Variants in MEI4 observed in about 807,000 individuals in gnomAD.
MEI4 encodes the protein meiosis-specific protein MEI4.
A neutral mutation model predicts 31.4 loss-of-function variants in MEI4; 27 were observed. That is an observed-to-expected ratio of 0.86 (90% CI 0.63 to 1.19). The LOEUF (loss-of-function observed/expected upper bound fraction) is 1.19, where lower values mean the gene tolerates loss of function less well. Ranked by LOEUF, MEI4 falls within the 50% of genes most tolerant of loss-of-function variation. The pLI is 0.00. For synonymous variants in MEI4, 122 were observed against 145.4 expected (o/e 0.84, Z 1.16); for missense variants, 329 against 398.9 (o/e 0.82, Z 1.49).
intron 1 of MEI4, among the ~76,000 whole-genome samples, chr6:77,655,367 T>C (rs1259114994): frequency 6.6e-6 from 1 of 152,188 alleles, no homozygotes; most frequent in East Asian, 1.9e-4. Flanking sequence ...AATGAGCTCT[T>C]TTTCTATGTG....
chr6:77,868,592 G>A (rs1182849985), intron 4 of MEI4, among the ~76,000 whole-genome samples: 2 of 143,046 alleles, frequency 1.4e-5, no homozygotes, highest in Non-Finnish European at 3.0e-5. Flanking sequence ...CTCCCCTATT[G>A]ATTCTCCCTT....
chr6:77,796,704 CAA>C (rs1021421702), intron 3 of MEI4, among the ~76,000 whole-genome samples: 6 of 152,192 alleles, frequency 3.9e-5, no homozygotes, highest in Middle Eastern at 3.4e-3. Flanking sequence ...AACTGAAAGA[CAA>C]GAGTTTAAAC....
At chr6:77,740,819 A>T (rs968814122) in intron 2 of MEI4, among the ~76,000 whole-genome samples, 10 of 151,758 alleles carry the variant, frequency 6.6e-5, no homozygotes, top group Admixed American at 5.9e-4. Context: ...TTTTGAAAAA[A>T]ATATATATAT....
intron 2 of MEI4, among the ~76,000 whole-genome samples, chr6:77,753,416 C>A (rs1223863341): frequency 1.3e-5 from 2 of 151,662 alleles, no homozygotes; most frequent in Non-Finnish European, 2.9e-5. Context: ...GAAAAAAAAA[C>A]AACCCCATCA....
chr6:77,697,118 G>A (rs554031191), intron 2 of MEI4, among the ~76,000 whole-genome samples: 79 of 151,960 alleles, frequency 5.2e-4, no homozygotes, highest in East Asian at 2.3e-3. Flanking sequence ...TGTTATTCCC[G>A]TTATCATTTT....
intron 4 of MEI4, among the ~76,000 whole-genome samples, chr6:77,882,841 A>G (rs1201380730): frequency 6.6e-6 from 1 of 152,202 alleles, no homozygotes; most frequent in Non-Finnish European, 1.5e-5. Flanking sequence ...TAATTTGAAG[A>G]AAGAATGTAA....
chr6:77,791,413 C>T (rs1768927346), intron 3 of MEI4, among the ~76,000 whole-genome samples: 1 of 150,948 alleles, frequency 6.6e-6, no homozygotes, highest in African/African-American at 2.4e-5. Flanking sequence ...TCATCATTCT[C>T]AGTAAACTAT....
At chr6:77,716,082 T>G (rs1766577072) in intron 2 of MEI4, among the ~76,000 whole-genome samples, 1 of 152,230 alleles carries the variant, frequency 6.6e-6, no homozygotes, top group African/African-American at 2.4e-5. Context: ...ACCTTGTGCC[T>G]GGCACCATGC....
At position 77,761,191 on chromosome 6, in the gene MEI4, G is replaced by A. The variant is rs142688523; in HGVS notation, c.294G>A (p.Ser98=). The A allele has an allele frequency of 4.1e-6, 5 of 1,232,168 alleles. No individual in the cohort carries two copies. Among genetic ancestry groups the A allele is most frequent in the Admixed American group, 4.2e-5 (1 of 23,686 alleles). The allele number at this position is 1,232,168 out of a possible 1,614,324, so 76.3% of individuals were successfully genotyped here. The change falls in exon 3 of 5, where the codon TCG becomes TCA. Residue 98 remains serine (S), a synonymous_variant. Transcript: ENST00000684080. Reference sequence around the variant, plus strand: ...AGAGTTCTGAAAGTACATTAACTTCGATGGAAGATTCTGGATGTGATTTGT... The same window carrying A: ...AGAGTTCTGAAAGTACATTAACTTCAATGGAAGATTCTGGATGTGATTTGT... ...EPKSSESTLT[S]MEDSGCDLSN... is the part of the protein sequence containing the mutation.
At chr6:77,682,780 G>GA (rs1195069663) in intron 1 of MEI4, among the ~76,000 whole-genome samples, 1 of 152,132 alleles carries the variant, frequency 6.6e-6, no homozygotes, top group Non-Finnish European at 1.5e-5. Context: ...GGTCATACTG[G>GA]AAAGTTTTCT....
chr6:77,761,355 T>A lies in MEI4; in HGVS notation c.458T>A (p.Phe153Tyr). 1 of 1,232,414 alleles carries A rather than the reference T, an allele frequency of 8.1e-7. No homozygotes were observed. The highest frequency in any genetic ancestry group is 1.0e-6 in the Non-Finnish European group (1 of 988,000). The allele number at this position is 1,232,414 out of a possible 1,614,324, so 76.3% of individuals were successfully genotyped here. The change falls in exon 3 of 5, where the codon TTC becomes TAC. Residue 153 changes from phenylalanine (F) to tyrosine (Y), a missense_variant. Coordinates refer to ENST00000684080, the MANE Select transcript of MEI4 (RefSeq NM_001322247.2). ...LQNPLSSHMQ[F>Y]LQYLLELKNL... ...AATCCTTTGTCTTCTCACATGCAAT[T>A]CTTGCAATATCTACTTGAATTAAAG...
chr6:77,656,529 C>A (rs574820257), intron 1 of MEI4, among the ~76,000 whole-genome samples: 3 of 152,006 alleles, frequency 2.0e-5, no homozygotes, highest in African/African-American at 7.2e-5. Context: ...TTATTTCTAT[C>A]TTCACAGTAG....
rs10223782 is a variant in MEI4 at position 77,726,677 on chromosome 6, G to A, written c.233-34453G>A. Among the ~76,000 whole-genome samples the A allele has an allele frequency of 6.9e-3, 1,058 of 152,282 alleles. 12 individuals carry two copies. Among genetic ancestry groups the A allele is most frequent in the African/African-American group, 0.024 (998 of 41,536 alleles). On this transcript the variant is annotated intron_variant, in intron 2 of 4. Coordinates refer to ENST00000684080, the MANE Select transcript of MEI4 (RefSeq NM_001322247.2). ...CTGGTGTAAAATCTACACCAGTTGT[G>A]TGTGGGATGTAGGAGAGAGGAAGGA...
At position 77,697,184 on chromosome 6, in the gene MEI4, T is replaced by G. The variant is rs190989749; in HGVS notation, c.232+6281T>G. Among the ~76,000 whole-genome samples, 247 of 152,322 alleles carry G rather than the reference T, an allele frequency of 1.6e-3. 2 individuals carry two copies. The highest frequency in any genetic ancestry group is 5.6e-3 in the African/African-American group (231 of 41,560). On this transcript the variant is annotated intron_variant, in intron 2 of 4. Coordinates refer to ENST00000684080, the MANE Select transcript of MEI4 (RefSeq NM_001322247.2). ...TCTTCTTTATTAGTGTTGCTAGCGG[T>G]CTATCAATTTTGTTGATCTTTTCAA...
intron 1 of MEI4, among the ~76,000 whole-genome samples, chr6:77,664,284 C>T (rs1285285046): frequency 6.6e-6 from 1 of 152,086 alleles, no homozygotes; most frequent in Non-Finnish European, 1.5e-5. Flanking sequence ...ATAAGACGGC[C>T]TTTTGACTTT....
intron 4 of MEI4, among the ~76,000 whole-genome samples, chr6:77,837,591 TA>T (rs1770250701): frequency 6.6e-6 from 1 of 152,164 alleles, no homozygotes; most frequent in Non-Finnish European, 1.5e-5. Flanking sequence ...CTTTTGTAAA[TA>T]AAGTTTTACT....
intron 4 of MEI4, among the ~76,000 whole-genome samples, chr6:77,864,518 C>T (rs1334690957): frequency 1.3e-5 from 2 of 152,196 alleles, no homozygotes; most frequent in Non-Finnish European, 2.9e-5. Flanking sequence ...ATCAATTCAA[C>T]AAGAAGAGCT....
intron 1 of MEI4, among the ~76,000 whole-genome samples, chr6:77,676,767 A>T (rs1206433316): frequency 1.3e-5 from 2 of 152,068 alleles, no homozygotes; most frequent in African/African-American, 4.8e-5. Flanking sequence ...TTATTCTTTT[A>T]TCAGATTGAA....
chr6:77,802,693 C>G (rs571179185), intron 3 of MEI4, among the ~76,000 whole-genome samples: 1 of 152,118 alleles, frequency 6.6e-6, no homozygotes, highest in Admixed American at 6.6e-5. Flanking sequence ...TCAGCATTTG[C>G]TTATCTGTAA....
Sources: allele counts gnomAD v4.1 joint callset (sites outside exome capture counted in the v4.1 genomes callset), GRCh38; gene constraint gnomAD v4.1.1; transcripts MANE v1.5; gene names NCBI Gene and HGNC (gene_info 2026-07-23, HGNC 2026-07-21).